The following GULP1 variants were observed in gnomAD, a reference collection of about 807,000 sequenced individuals.
The protein encoded by GULP1 is GULP PTB domain containing engulfment adaptor 1.
GULP1 carries 19 observed loss-of-function variants against 40.9 expected under a neutral mutation model. That is an observed-to-expected ratio of 0.46 (90% CI 0.32 to 0.68). The LOEUF (loss-of-function observed/expected upper bound fraction) is 0.68. GULP1 is among the 30% of genes least tolerant of loss of function. The pLI is 0.03. For missense variants in GULP1, 312 were observed against 362.2 expected (o/e 0.86, Z 1.12); for synonymous variants, 119 against 117.6 (o/e 1.01, Z -0.08).
At chr2:188,520,636 C>T (rs2065661443) in intron 4 of GULP1, among the ~76,000 whole-genome samples, 1 of 151,554 alleles carries the variant, frequency 6.6e-6, no homozygotes, top group Non-Finnish European at 1.5e-5. Flanking sequence ...TCCATTTGTT[C>T]ATCAGAAAGG....
intron 1 of GULP1, among the ~76,000 whole-genome samples, chr2:188,302,098 A>G (rs1356154599): frequency 2.0e-5 from 3 of 152,178 alleles, no homozygotes; most frequent in Non-Finnish European, 4.4e-5. Flanking sequence ...AGTAATTTAG[A>G]TTATTGAAGA....
intron 4 of GULP1, among the ~76,000 whole-genome samples, chr2:188,500,582 A>G (rs890121701): frequency 2.1e-4 from 32 of 151,938 alleles, no homozygotes; most frequent in African/African-American, 7.2e-4. Context: ...CAAGGGTCTT[A>G]TAATACAGTT....
At chr2:188,381,535 CT>C (rs1014865995) in intron 1 of GULP1, among the ~76,000 whole-genome samples, 1 of 151,874 alleles carries the variant, frequency 6.6e-6, no homozygotes, top group Non-Finnish European at 1.5e-5. Flanking sequence ...AAAATATTTT[CT>C]TTTATAAAAT....
At chr2:188,304,488 C>A (rs531301961) in intron 1 of GULP1, among the ~76,000 whole-genome samples, 1 of 152,152 alleles carries the variant, frequency 6.6e-6, no homozygotes, top group Admixed American at 6.5e-5. Flanking sequence ...GTATCCACAG[C>A]CAGCAAACAG....
chr2:188,361,749 A>G (rs73036496), intron 1 of GULP1, among the ~76,000 whole-genome samples: 10,234 of 152,128 alleles, frequency 0.067, 1,169 homozygotes, highest in African/African-American at 0.23. Context: ...TGGTTTAGAA[A>G]GCAGCTTAAT....
chr2:188,471,717 T>C (rs1378013595), intron 2 of GULP1, among the ~76,000 whole-genome samples: 2 of 152,232 alleles, frequency 1.3e-5, no homozygotes, highest in Non-Finnish European at 2.9e-5. Flanking sequence ...TCCATTTATA[T>C]CTTATTGTAC....
At chr2:188,575,474 A>C (rs1699986653) in intron 9 of GULP1, among the ~76,000 whole-genome samples, 1 of 152,082 alleles carries the variant, frequency 6.6e-6, no homozygotes, top group African/African-American at 2.4e-5. Flanking sequence ...TGTAGATCTT[A>C]TATATGCTAT....
intron 1 of GULP1, among the ~76,000 whole-genome samples, chr2:188,348,391 T>C (rs1472867148): frequency 3.9e-5 from 6 of 152,304 alleles, no homozygotes; most frequent in African/African-American, 7.2e-5. Context: ...AACACTGAAA[T>C]ATGTCATCCA....
At chr2:188,532,552 T>C (rs986189011) in intron 6 of GULP1, among the ~76,000 whole-genome samples, 1 of 152,122 alleles carries the variant, frequency 6.6e-6, no homozygotes, top group Non-Finnish European at 1.5e-5. Flanking sequence ...TGGGTATGCA[T>C]TGCAACCTTT....
At chr2:188,529,442 G>A (rs1490141162) in intron 6 of GULP1, among the ~76,000 whole-genome samples, 2 of 152,042 alleles carry the variant, frequency 1.3e-5, no homozygotes, top group African/African-American at 2.4e-5. Context: ...GTGTTTGGAC[G>A]TGTATTTGGG....
intron 11 of GULP1, chr2:188,592,320 G>T (rs1031434225): frequency 6.6e-6 from 1 of 151,964 alleles, no homozygotes; most frequent in Non-Finnish European, 1.5e-5. Context: ...TTTACCATTT[G>T]TAATATACCA....
intron 2 of GULP1, among the ~76,000 whole-genome samples, chr2:188,385,373 C>A (rs1207986847): frequency 6.6e-6 from 1 of 152,186 alleles, no homozygotes; most frequent in East Asian, 1.9e-4. Flanking sequence ...GGGATGCAGG[C>A]CCATCAAGTC....
chr2:188,383,908 T>G lies in GULP1; in HGVS notation c.-45+19T>G, dbSNP rs2049323601. 1 of 152,140 alleles carries G rather than the reference T, an allele frequency of 6.6e-6. No homozygotes were observed. The highest frequency in any genetic ancestry group is 2.1e-4 in the South Asian group (1 of 4,826). 9.4% of individuals were successfully genotyped at this position (152,140 alleles called of 1,614,324 possible). ...TACCCAGGTAAGAATAAATGATTGT[T>G]TATACATTTTCCATTATTTCCAAAA... On this transcript the variant is annotated intron_variant, in intron 2 of 11. Coordinates refer to ENST00000409830, the MANE Select transcript of GULP1 (RefSeq NM_016315.4).
rs539849267 is a variant in GULP1 at position 188,303,242 on chromosome 2, T to G, written c.-172+11076T>G. ...TAGGGAGATATATATCTCTTTGTCT[T>G]TTTGCCCTGAAGGTGGTAGGAATAA... On this transcript the variant is annotated intron_variant, in intron 1 of 11. Transcript: ENST00000409830. Among the ~76,000 whole-genome samples, 12 of 152,286 alleles carry G rather than the reference T, an allele frequency of 7.9e-5. No homozygotes were observed. The East Asian group carries it at 1.4e-3, about 17-fold the overall frequency.
intron 1 of GULP1, chr2:188,293,085 A>G (rs1001289807): frequency 1.2e-4 from 18 of 152,538 alleles, no homozygotes; most frequent in African/African-American, 4.3e-4. Flanking sequence ...AGGAAGCTGG[A>G]CGCTGCAGCT....
intron 6 of GULP1, among the ~76,000 whole-genome samples, chr2:188,540,073 C>T (rs1690046963): frequency 6.6e-6 from 1 of 152,018 alleles, no homozygotes; most frequent in African/African-American, 2.4e-5. Context: ...ACTGTAGTTG[C>T]TTCCATCTCC....
intron 2 of GULP1, among the ~76,000 whole-genome samples, chr2:188,384,934 A>G (rs965366095): frequency 2.6e-5 from 4 of 152,190 alleles, no homozygotes; most frequent in Non-Finnish European, 5.9e-5. Context: ...TGCAGGGTAT[A>G]GCTGCCCTCC....
At chr2:188,548,288 A>G (rs1183359041) in intron 7 of GULP1, among the ~76,000 whole-genome samples, 1 of 152,116 alleles carries the variant, frequency 6.6e-6, no homozygotes, top group African/African-American at 2.4e-5. Flanking sequence ...AGAATACATA[A>G]TTAACATACA....
chr2:188,521,110 C>T (rs2065725716), intron 4 of GULP1, among the ~76,000 whole-genome samples: 1 of 151,620 alleles, frequency 6.6e-6, no homozygotes, highest in Non-Finnish European at 1.5e-5. Flanking sequence ...TCTCTTTGGT[C>T]TTATAATTGG....
Sources: gnomAD v4.1 joint callset for allele counts (sites outside exome capture counted in the v4.1 genomes callset) on GRCh38, gnomAD v4.1.1 for gene constraint, MANE v1.5 for transcripts, NCBI Gene and HGNC (gene_info 2026-07-23, HGNC 2026-07-21) for gene names.